CALCRL: variants seen among roughly 807,000 people sequenced by gnomAD.
CALCRL encodes calcitonin gene-related peptide type 1 receptor.
A neutral mutation model predicts 60.4 loss-of-function variants in CALCRL; 27 were observed. The ratio of observed to expected loss-of-function variants is 0.45; its 90% CI spans 0.33 to 0.62. CALCRL has a LOEUF of 0.62. Ranked by LOEUF, CALCRL falls within the 20% of genes least tolerant of loss-of-function variation. The pLI is 0.03. For missense variants in CALCRL, 424 were observed against 540.7 expected (o/e 0.78, Z 2.14); for synonymous variants, 190 against 182.6 (o/e 1.04, Z -0.33).
chr2:187,363,536 A>G, intron 8 of CALCRL, 34 bp from the exon 9 acceptor site: 1 of 1,540,520 alleles, frequency 6.5e-7, no homozygotes, highest in South Asian at 1.3e-5. Context: ...TGTTGACATC[A>G]TGAAATGTTT....
intron 5 of CALCRL, among the ~76,000 whole-genome samples, chr2:187,382,673 GAATGTTATCCAAAAA>G (rs1688029642): frequency 6.6e-6 from 1 of 151,992 alleles, no homozygotes; most frequent in Non-Finnish European, 1.5e-5. Context: ...GGCTCTCAAT[GAATGTTATCCAAAAA>G]AGCAAAAGAA....
At chr2:187,351,984 T>C in intron 13 of CALCRL, 23 bp from the exon 14 acceptor site, 1 of 1,592,432 alleles carries the variant, frequency 6.3e-7, no homozygotes, top group Non-Finnish European at 8.6e-7. Flanking sequence ...AATAGAATGA[T>C]CTGAATCCAA....
chr2:187,439,303 C>T (rs1008294691), intron 1 of CALCRL, among the ~76,000 whole-genome samples: 8 of 151,734 alleles, frequency 5.3e-5, no homozygotes, highest in Non-Finnish European at 8.8e-5. Context: ...GCCAACATGG[C>T]GAAATCCCAT....
chr2:187,391,912 A>G (rs1688463006), intron 1 of CALCRL, among the ~76,000 whole-genome samples: 1 of 152,094 alleles, frequency 6.6e-6, no homozygotes, highest in Admixed American at 6.6e-5. Flanking sequence ...AATATATTAT[A>G]CATCTACCAA....
chr2:187,377,034 C>A (rs1010866105), intron 8 of CALCRL, among the ~76,000 whole-genome samples: 1 of 151,912 alleles, frequency 6.6e-6, no homozygotes, highest in Admixed American at 6.6e-5. Flanking sequence ...GGAAGTGATG[C>A]TAAAATTTAA....
At chr2:187,399,047 A>T (rs1688772695) in intron 1 of CALCRL, among the ~76,000 whole-genome samples, 1 of 151,610 alleles carries the variant, frequency 6.6e-6, no homozygotes, top group African/African-American at 2.4e-5. Flanking sequence ...TCCATTTTGC[A>T]TTCTGATTGT....
At chr2:187,388,924 G>T (rs1688316861) in intron 1 of CALCRL, among the ~76,000 whole-genome samples, 1 of 152,094 alleles carries the variant, frequency 6.6e-6, no homozygotes. Context: ...GAGTGCTCAA[G>T]AAATTTTTGC....
intron 1 of CALCRL, among the ~76,000 whole-genome samples, chr2:187,404,683 T>G (rs568196767): frequency 2.0e-5 from 3 of 149,602 alleles, no homozygotes; most frequent in Non-Finnish European, 4.5e-5. Context: ...TGAGCTGCAA[T>G]AACAATGGCA....
chr2:187,379,046 A>C lies in CALCRL; in HGVS notation c.409-15T>G. 2 of 1,538,992 alleles carry C rather than the reference A, an allele frequency of 1.3e-6. No homozygotes were observed. The highest frequency in any genetic ancestry group is 1.8e-6 in the Non-Finnish European group (2 of 1,116,832). On this transcript the variant is annotated splice_polypyrimidine_tract_variant and intron_variant, in intron 7 of 14. Coordinates refer to ENST00000392370, the MANE Select transcript of CALCRL (RefSeq NM_005795.6). ...TTTAGTGCAGTCTGTAATTTGTATA[A>C]ACAAAAAAATTTGGTTCATATCAAT...
At chr2:187,385,325 T>G (rs1436159600) in intron 4 of CALCRL, among the ~76,000 whole-genome samples, 1 of 152,146 alleles carries the variant, frequency 6.6e-6, no homozygotes, top group Admixed American at 6.5e-5. Context: ...TATGCATGTG[T>G]GTATTCATCT....
intron 1 of CALCRL, among the ~76,000 whole-genome samples, chr2:187,417,832 T>C (rs1474602092): frequency 1.3e-5 from 2 of 152,188 alleles, no homozygotes; most frequent in Non-Finnish European, 2.9e-5. Context: ...AGGTATGAAC[T>C]ATAAAACCAC....
At position 187,342,353 on chromosome 2, in the gene CALCRL, A is replaced by C. The variant is rs1483934947; in HGVS notation, c.*3831T>G. ...CGTGTCTCTATGGATGTATTAAAAT[A>C]TACTCTACTAATATACTAAAAACTG... is the stretch of plus-strand genomic sequence containing the variant. On this transcript the variant is annotated 3_prime_UTR_variant, in exon 15 of 15. Transcript: ENST00000392370. Among the ~76,000 whole-genome samples the C allele has an allele frequency of 1.3e-5, 2 of 151,740 alleles. No homozygotes were observed. Among genetic ancestry groups the C allele is most frequent in the East Asian group, 3.8e-4 (2 of 5,196 alleles).
chr2:187,384,101 T>A (rs1688103383), intron 4 of CALCRL, among the ~76,000 whole-genome samples: 1 of 152,146 alleles, frequency 6.6e-6, no homozygotes, highest in African/African-American at 2.4e-5. Context: ...ATTGTAGTAT[T>A]TCTTTTTTCT....
intron 1 of CALCRL, among the ~76,000 whole-genome samples, chr2:187,406,406 CACA>C (rs895884993): frequency 2.6e-5 from 4 of 151,870 alleles, no homozygotes; most frequent in Non-Finnish European, 4.4e-5. Flanking sequence ...ATATTCAATA[CACA>C]TGTCAAATTT....
At chr2:187,382,701 T>A in intron 5 of CALCRL, among the ~76,000 whole-genome samples, 1 of 152,186 alleles carries the variant, frequency 6.6e-6, no homozygotes, top group East Asian at 1.9e-4. Flanking sequence ...CAAAAGAATA[T>A]CTTAATGCAA....
chr2:187,406,063 C>G lies in CALCRL; in HGVS notation c.-292-18307G>C, dbSNP rs1261738711. ...TTGTGTCTGTTAATATAAAATAGTA[C>G]CAGTGTGGGGCTCTGAAGCAGTTGG... On this transcript the variant is annotated intron_variant, in intron 1 of 14. Coordinates refer to ENST00000392370, the MANE Select transcript of CALCRL (RefSeq NM_005795.6). Among the ~76,000 whole-genome samples, 4 of 149,876 alleles carry G rather than the reference C, an allele frequency of 2.7e-5. No homozygotes were observed. The Admixed American group carries it at 2.7e-4, about 10-fold the overall frequency.
chr2:187,350,917 C>T (rs1034139430), intron 14 of CALCRL, among the ~76,000 whole-genome samples: 3 of 151,682 alleles, frequency 2.0e-5, no homozygotes, highest in African/African-American at 4.8e-5. Flanking sequence ...TAAATTGTGT[C>T]GAGCAGATTA....
At chr2:187,438,055 AC>A (rs1690728927) in intron 1 of CALCRL, among the ~76,000 whole-genome samples, 1 of 152,170 alleles carries the variant, frequency 6.6e-6, no homozygotes, top group Non-Finnish European at 1.5e-5. Context: ...AAGAAAGAAA[AC>A]CTTAATAGTG....
intron 1 of CALCRL, among the ~76,000 whole-genome samples, chr2:187,411,096 CA>C (rs1689336053): frequency 6.6e-6 from 1 of 152,022 alleles, no homozygotes; most frequent in Non-Finnish European, 1.5e-5. Context: ...CCTTGCTAAA[CA>C]AATTTTCTCT....
Sources: gnomAD v4.1 joint callset for allele counts (sites outside exome capture counted in the v4.1 genomes callset) on GRCh38, gnomAD v4.1.1 for gene constraint, MANE v1.5 for transcripts, NCBI Gene and HGNC (gene_info 2026-07-23, HGNC 2026-07-21) for gene names.